The following PRIM2 variants were observed in gnomAD, a reference collection of about 807,000 sequenced individuals.
PRIM2 encodes the protein DNA primase subunit 2, also known as DNA primase large subunit.
PRIM2 carries 39 observed loss-of-function variants against 67.3 expected under a neutral mutation model. The ratio of observed to expected loss-of-function variants is 0.58; its 90% CI spans 0.45 to 0.76. PRIM2 has a LOEUF of 0.76. PRIM2 is among the 30% of genes least tolerant of loss of function. PRIM2 has a pLI of 0.00. For missense variants in PRIM2, 398 were observed against 598.7 expected (o/e 0.66, Z 3.50); for synonymous variants, 143 against 198.7 (o/e 0.72, Z 2.36).
chr6:57,223,784 A>G, the PRIM2 span, among the ~76,000 whole-genome samples: 1 of 152,226 alleles, frequency 6.6e-6, no homozygotes, highest in Non-Finnish European at 1.5e-5. Flanking sequence ...CACACTCATT[A>G]AAATGATGAT....
chr6:57,605,860 C>G (rs1298338199), intron 11 of PRIM2, among the ~76,000 whole-genome samples: 1 of 151,890 alleles, frequency 6.6e-6, no homozygotes, highest in Admixed American at 6.6e-5. Flanking sequence ...ATCCATGATT[C>G]TTTTACATTT....
chr6:57,561,872 A>G (rs1197229852), intron 10 of PRIM2, among the ~76,000 whole-genome samples: 1 of 152,166 alleles, frequency 6.6e-6, no homozygotes, highest in Non-Finnish European at 1.5e-5. Flanking sequence ...TGCTTTGCAC[A>G]TGGCTTCCTC....
Position 57,322,947 on chromosome 6 carries a change from G to A in PRIM2, c.259-1254G>A, listed in dbSNP as rs181471040. ...CGATTTTCTGAGAAGTGAGGAAGGAGATGATTTTGTGTCGAATCTCAACAC... is the reference window on the plus strand; with the variant it reads ...CGATTTTCTGAGAAGTGAGGAAGGAAATGATTTTGTGTCGAATCTCAACAC... On this transcript the variant is annotated intron_variant, in intron 3 of 13. Coordinates refer to ENST00000615550, the MANE Select transcript of PRIM2 (RefSeq NM_000947.5). 1.2e-4 allele frequency among the ~76,000 whole-genome samples: 18 copies of A among 152,328 alleles called. No individual in the cohort carries two copies. The East Asian group carries it at 3.3e-3, about 28-fold the overall frequency.
chr6:57,431,552 G>A (rs1343662858), intron 7 of PRIM2, among the ~76,000 whole-genome samples: 1 of 152,014 alleles, frequency 6.6e-6, no homozygotes, highest in Non-Finnish European at 1.5e-5. Context: ...GGGGGCTCAG[G>A]TAAGAGGATT....
intron 9 of PRIM2, among the ~76,000 whole-genome samples, chr6:57,534,372 C>T (rs1774956311): frequency 6.6e-6 from 1 of 152,116 alleles, no homozygotes; most frequent in Non-Finnish European, 1.5e-5. Context: ...TGTACTGGCG[C>T]TATTGTTGTT....
chr6:57,241,327 T>G, the PRIM2 span, among the ~76,000 whole-genome samples: 1 of 152,128 alleles, frequency 6.6e-6, no homozygotes, highest in South Asian at 2.1e-4. Flanking sequence ...GAGGATCACT[T>G]GAGCCTAGGA....
chr6:57,259,136 C>A, the PRIM2 span, among the ~76,000 whole-genome samples: 2 of 152,192 alleles, frequency 1.3e-5, no homozygotes, highest in African/African-American at 2.4e-5. Flanking sequence ...TGGAAAAATT[C>A]TTGAAGGTCA....
At chr6:57,348,219 C>A (rs939033156) in intron 5 of PRIM2, among the ~76,000 whole-genome samples, 1 of 151,990 alleles carries the variant, frequency 6.6e-6, no homozygotes, top group African/African-American at 2.4e-5. Context: ...TTTTTCTTCT[C>A]TGCTACCTTT....
At chr6:57,298,547 C>G in the PRIM2 span, among the ~76,000 whole-genome samples, 3 of 151,596 alleles carry the variant, frequency 2.0e-5, no homozygotes, top group East Asian at 5.8e-4. Flanking sequence ...GGGCTCGGGG[C>G]AGAAATGAAG....
At chr6:57,430,841 T>A (rs550340531) in intron 7 of PRIM2, among the ~76,000 whole-genome samples, 6 of 152,270 alleles carry the variant, frequency 3.9e-5, no homozygotes, top group African/African-American at 1.4e-4. Context: ...TCTCTTAATG[T>A]AGGTTTTGTA....
the PRIM2 span, among the ~76,000 whole-genome samples, chr6:57,266,714 T>G: frequency 6.6e-6 from 1 of 152,234 alleles, no homozygotes; most frequent in African/African-American, 2.4e-5. Flanking sequence ...AATAACATTT[T>G]GTAGTGTAAA....
intron 13 of PRIM2, among the ~76,000 whole-genome samples, chr6:57,637,093 A>G (rs1260926490): frequency 6.6e-6 from 1 of 152,204 alleles, no homozygotes; most frequent in Admixed American, 6.5e-5. Flanking sequence ...TGCAGCCTCC[A>G]CTGGTGATAC....
At chr6:57,344,310 G>A (rs1389727603) in intron 5 of PRIM2, among the ~76,000 whole-genome samples, 4 of 152,006 alleles carry the variant, frequency 2.6e-5, no homozygotes, top group Non-Finnish European at 5.9e-5. Context: ...ACATCTTTAA[G>A]ATGAGTATAG....
chr6:57,409,758 C>T (rs1315642625), intron 7 of PRIM2, among the ~76,000 whole-genome samples: 1 of 147,920 alleles, frequency 6.8e-6, no homozygotes, highest in Non-Finnish European at 1.5e-5. Context: ...CTGTGGTTTG[C>T]CTTTTGTTTT....
At chr6:57,557,797 C>G (rs1298698907) in intron 10 of PRIM2, among the ~76,000 whole-genome samples, 2 of 152,018 alleles carry the variant, frequency 1.3e-5, no homozygotes, top group Non-Finnish European at 2.9e-5. Flanking sequence ...AAAGATATGA[C>G]TTTTGACCTC....
At chr6:57,386,708 A>T (rs1770166485) in intron 7 of PRIM2, among the ~76,000 whole-genome samples, 2 of 151,080 alleles carry the variant, frequency 1.3e-5, no homozygotes, top group Non-Finnish European at 2.9e-5. Context: ...GCTGTGGCGA[A>T]GTAGAAATCT....
At chr6:57,560,949 A>G (rs1198438813) in intron 10 of PRIM2, among the ~76,000 whole-genome samples, 1 of 152,184 alleles carries the variant, frequency 6.6e-6, no homozygotes, top group Non-Finnish European at 1.5e-5. Flanking sequence ...CAGTTGCTAT[A>G]GCCCCTAACA....
At chr6:57,342,776 CT>C (rs919688234) in intron 5 of PRIM2, among the ~76,000 whole-genome samples, 4 of 152,166 alleles carry the variant, frequency 2.6e-5, no homozygotes, top group Non-Finnish European at 5.9e-5. Context: ...GAAGTGAGGG[CT>C]TTTGGGTGAA....
At chr6:57,320,885 A>C (rs973129442) in intron 3 of PRIM2, among the ~76,000 whole-genome samples, 3 of 152,198 alleles carry the variant, frequency 2.0e-5, no homozygotes, top group Non-Finnish European at 4.4e-5. Flanking sequence ...TATCCCGTGC[A>C]ATACAGGATG....
Sources: allele counts gnomAD v4.1 joint callset (sites outside exome capture counted in the v4.1 genomes callset), GRCh38; gene constraint gnomAD v4.1.1; transcripts MANE v1.5; gene names NCBI Gene and HGNC (gene_info 2026-07-23, HGNC 2026-07-21).